The following GLI3 variants were observed in gnomAD, a reference collection of about 807,000 sequenced individuals.
The protein encoded by GLI3 is GLI family zinc finger 3, also known as transcription activator GLI3.
Under a neutral mutation model 100.8 loss-of-function variants are expected in GLI3, and 20 were observed. The ratio of observed to expected loss-of-function variants is 0.20; its 90% CI spans 0.14 to 0.29. The LOEUF is 0.29. GLI3 is among the 10% of genes least tolerant of loss of function. The pLI, the probability that GLI3 is intolerant of heterozygous loss-of-function variation, is 1.00. For synonymous variants in GLI3, 938 were observed against 860.5 expected (o/e 1.09, Z -1.58); for missense variants, 2,040 against 2,128.5 (o/e 0.96, Z 0.82).
rs1787196296 is a variant in GLI3 at position 41,966,739 on chromosome 7, A to G, written c.2432-98T>C. ...AACCCTTTTCTGTAAAGGGCCAGCT[A>G]GGAACTATTTCTGGTGTCCCAGGCC... On this transcript the variant is annotated intron_variant, in intron 14 of 14. Coordinates refer to ENST00000395925, the MANE Select transcript of GLI3 (RefSeq NM_000168.6). The surrounding 1 kb of genome is among the most constrained non-coding windows in gnomAD (Gnocchi z 5.8). The G allele has an allele frequency of 8.0e-7, 1 of 1,247,360 alleles. No individual in the cohort carries two copies. The highest frequency in any genetic ancestry group is 1.2e-6 in the Non-Finnish European group (1 of 860,440). 77.3% of individuals were successfully genotyped at this position (1,247,360 alleles called of 1,614,324 possible).
chr7:42,041,640 T>C (rs368121126), intron 6 of GLI3, among the ~76,000 whole-genome samples: 5 of 152,318 alleles, frequency 3.3e-5, no homozygotes, highest in Admixed American at 2.0e-4. Flanking sequence ...GTAATCTTTC[T>C]TTATTTAAAA....
intron 10 of GLI3, among the ~76,000 whole-genome samples, chr7:42,021,733 G>A (rs952105423): frequency 1.3e-5 from 2 of 152,026 alleles, no homozygotes; most frequent in Non-Finnish European, 2.9e-5. Context: ...CCTCCAAAAC[G>A]GCACCATGAG....
In GLI3 at chr7:42,232,492, G is replaced by C. The variant is rs188418902; in HGVS notation, c.-43+4479C>G. ...ACACTGATGACTAATGGCTGGGCCCGGGCAGACAATGAATTTGGGGCTTGA... is the reference window on the plus strand; with the variant it reads ...ACACTGATGACTAATGGCTGGGCCCCGGCAGACAATGAATTTGGGGCTTGA... On this transcript the variant is annotated intron_variant, in intron 1 of 14. Coordinates refer to ENST00000395925, the MANE Select transcript of GLI3 (RefSeq NM_000168.6). Among the ~76,000 whole-genome samples the C allele has an allele frequency of 1.9e-3, 283 of 151,806 alleles. 1 individual carries two copies. Among genetic ancestry groups the C allele is most frequent in the African/African-American group, 6.5e-3 (268 of 41,538 alleles).
intron 3 of GLI3, among the ~76,000 whole-genome samples, chr7:42,122,261 TCA>T (rs202211116): frequency 0.012 from 1,737 of 145,362 alleles, 28 homozygotes; most frequent in African/African-American, 0.041. Context: ...GTCCTAGCTT[TCA>T]CACAGTCTTT....
At chr7:42,259,061 C>T (rs1462690768) in intron 1 of GLI3, among the ~76,000 whole-genome samples, 1 of 152,204 alleles carries the variant, frequency 6.6e-6, no homozygotes, top group Non-Finnish European at 1.5e-5. Context: ...ACCTTGGTCA[C>T]CTGTTAACAT....
intron 2 of GLI3, 72 bp from the exon 3 acceptor site, chr7:42,148,540 G>T: frequency 7.2e-7 from 1 of 1,391,996 alleles, no homozygotes; most frequent in Non-Finnish European, 1.0e-6. Context: ...TGATCAATTA[G>T]GTCTCATTCT....
At chr7:42,177,093 C>A (rs1228721531) in intron 2 of GLI3, among the ~76,000 whole-genome samples, 1 of 152,136 alleles carries the variant, frequency 6.6e-6, no homozygotes, top group African/African-American at 2.4e-5. Flanking sequence ...TGCTGACGCT[C>A]CAGTGATAGG....
At chr7:42,159,282 A>C (rs1787077884) in intron 2 of GLI3, among the ~76,000 whole-genome samples, 1 of 152,210 alleles carries the variant, frequency 6.6e-6, no homozygotes, top group Non-Finnish European at 1.5e-5. Flanking sequence ...GCATATGTCC[A>C]AAAGTTAAAG....
In GLI3 at chr7:41,965,170, T is replaced by C. The variant is rs758771584; in HGVS notation, c.3903A>G (p.Pro1301=). The C allele has an allele frequency of 4.6e-5, 75 of 1,613,856 alleles. No individual in the cohort carries two copies. Among genetic ancestry groups the C allele is most frequent in the Middle Eastern group, 1.6e-4 (1 of 6,084 alleles). The change falls in exon 15 of 15, where the codon CCA becomes CCG. Residue 1301 remains proline, a synonymous_variant. Coordinates refer to ENST00000395925, the MANE Select transcript of GLI3 (RefSeq NM_000168.6). ...GQLNFGLPVA[P]NESAGSMVNG... ...TCACCATGCTGCCAGCTGACTCATT[T>C]GGCGCTACCGGCAGGCCGAAATTCA... is the stretch of plus-strand genomic sequence containing the variant.
rs796417056 is a variant in GLI3, at chr7:42,098,365, C to CA, written c.368-21509dup. 1.7e-4 allele frequency among the ~76,000 whole-genome samples: 26 copies of CA among 150,822 alleles called. 1 individual carries two copies. The South Asian group carries it at 4.2e-3, about 25-fold the overall frequency. On this transcript the variant is annotated intron_variant, in intron 3 of 14. Transcript: ENST00000395925. ...ATTTTAGCCCCATGTCAGCCATTTCCAAAAAAAAACCTCAGGGGCCTTCCC... is the reference window on the plus strand; with the variant it reads ...ATTTTAGCCCCATGTCAGCCATTTCCAAAAAAAAAACCTCAGGGGCCTTCCC...
upstream of GLI3, among the ~76,000 whole-genome samples, chr7:42,240,038 C>G (rs565721673): frequency 6.6e-6 from 1 of 152,130 alleles, no homozygotes; most frequent in Non-Finnish European, 1.5e-5. Context: ...GCCTTTCTCT[C>G]TTTCCCTTTC....
intron 3 of GLI3, among the ~76,000 whole-genome samples, chr7:42,105,820 A>C (rs542069824): frequency 1.3e-5 from 2 of 152,044 alleles, no homozygotes; most frequent in African/African-American, 4.8e-5. Context: ...GCAAAGAGGC[A>C]GCTCTGTCTC....
At chr7:42,182,658 A>G (rs1787621360) in intron 2 of GLI3, among the ~76,000 whole-genome samples, 1 of 56,052 alleles carries the variant, frequency 1.8e-5, no homozygotes, top group African/African-American at 1.0e-4. Flanking sequence ...ATATATATAT[A>G]TATATATATA....
chr7:42,048,172 C>T (rs1330278839), intron 5 of GLI3, among the ~76,000 whole-genome samples: 1 of 152,138 alleles, frequency 6.6e-6, no homozygotes, highest in African/African-American at 2.4e-5. Context: ...AGAACAGAAC[C>T]CTAGTTACCA....
chr7:42,255,124 C>T (rs954553477), intron 1 of GLI3, among the ~76,000 whole-genome samples: 10 of 150,744 alleles, frequency 6.6e-5, no homozygotes, highest in African/African-American at 1.7e-4. Flanking sequence ...GTTTGGAACG[C>T]TATTTTTTTC....
Position 42,144,438 on chromosome 7 carries a change from C to T in GLI3, c.367+3788G>A, listed in dbSNP as rs145997968. ...GCCTTGATATACAGCCCGTCCACTG[C>T]GACCCTTCATGAGAGAATACCCCCG... On this transcript the variant is annotated intron_variant, in intron 3 of 14. Coordinates refer to ENST00000395925, the MANE Select transcript of GLI3 (RefSeq NM_000168.6). 4.5e-3 allele frequency among the ~76,000 whole-genome samples: 685 copies of T among 152,248 alleles called. 5 individuals are homozygous for T. The highest frequency in any genetic ancestry group is 0.014 in the Middle Eastern group (4 of 294).
chr7:42,081,435 T>C lies in GLI3; in HGVS notation c.368-4578A>G, dbSNP rs550912506. On this transcript the variant is annotated intron_variant, in intron 3 of 14. Transcript: ENST00000395925. ...GAATGGTCTTTAAACCCTATAAATA[T>C]GTAACTGGCTTGACACATGTTTAAA... Among the ~76,000 whole-genome samples the C allele has an allele frequency of 7.1e-4, 108 of 152,312 alleles. 1 individual carries two copies. The highest frequency in any genetic ancestry group is 2.4e-3 in the African/African-American group (100 of 41,570).
intron 10 of GLI3, among the ~76,000 whole-genome samples, chr7:42,013,058 G>A (rs774757993): frequency 6.6e-6 from 1 of 152,218 alleles, no homozygotes; most frequent in Non-Finnish European, 1.5e-5. Context: ...TTAGAGACAT[G>A]GTTGACCGGA....
At chr7:41,973,574 A>C (rs1787423579) in intron 12 of GLI3, among the ~76,000 whole-genome samples, 1 of 152,142 alleles carries the variant, frequency 6.6e-6, no homozygotes, top group Non-Finnish European at 1.5e-5. Context: ...GGCTTAAAAT[A>C]TAATATACGC....
Sources: gnomAD v4.1 joint callset for allele counts (sites outside exome capture counted in the v4.1 genomes callset) on GRCh38, gnomAD v4.1.1 for gene constraint, Gnocchi (gnomAD v3.1) non-coding constraint, MANE v1.5 for transcripts, NCBI Gene and HGNC (gene_info 2026-07-23, HGNC 2026-07-21) for gene names.